ADAMTS3: variants seen among roughly 807,000 people sequenced by gnomAD.
The protein encoded by ADAMTS3 is A disintegrin and metalloproteinase with thrombospondin motifs 3.
In ADAMTS3, 73 loss-of-function variants were observed where a neutral mutation model predicts 129.0. That is an observed-to-expected ratio of 0.57 (90% CI 0.47 to 0.69). ADAMTS3 has a LOEUF of 0.69. Ranked by LOEUF, ADAMTS3 falls within the 30% of genes least tolerant of loss-of-function variation. The pLI, the probability that ADAMTS3 is intolerant of heterozygous loss-of-function variation, is 0.00. For synonymous variants in ADAMTS3, 477 were observed against 510.8 expected (o/e 0.93, Z 0.89); for missense variants, 1,457 against 1,514.5 (o/e 0.96, Z 0.63).
chr4:72,428,288 AT>A (rs1722618233), intron 3 of ADAMTS3, among the ~76,000 whole-genome samples: 1 of 152,078 alleles, frequency 6.6e-6, no homozygotes, highest in African/African-American at 2.4e-5. Context: ...AATTTTATTC[AT>A]TAAAAAAACT....
intron 3 of ADAMTS3, among the ~76,000 whole-genome samples, chr4:72,516,181 G>A (rs1407580357): frequency 6.6e-6 from 1 of 152,108 alleles, no homozygotes; most frequent in Non-Finnish European, 1.5e-5. Context: ...GCTCTGTTCT[G>A]TTCCATTGTT....
chr4:72,447,092 C>G (rs572920360), intron 3 of ADAMTS3, among the ~76,000 whole-genome samples: 62 of 151,730 alleles, frequency 4.1e-4, no homozygotes, highest in South Asian at 2.7e-3. Context: ...ATATTCAATC[C>G]CAGTTCCACT....
rs778561305 is a variant in ADAMTS3 at position 72,312,295 on chromosome 4, A to G, written c.1917T>C (p.Pro639=). 3.1e-6 allele frequency: 5 copies of G among 1,613,524 alleles called. No individual in the cohort carries two copies. In the South Asian group the frequency reaches 5.5e-5, roughly 18 times the overall value. The part of the protein sequence containing the change: ...TKHHWLPYEH[P]DPKKRCHLYC... ...GGAGAGCACGAGGCTACTCACGGTCAGGATGTTCATATGGCAACCAGTGGT... is the reference window on the plus strand; with the variant it reads ...GGAGAGCACGAGGCTACTCACGGTCGGGATGTTCATATGGCAACCAGTGGT... Residue 639 remains proline, a synonymous_variant, in exon 13 of 22, where the codon CCT becomes CCC. Transcript: ENST00000286657.
intron 4 of ADAMTS3, among the ~76,000 whole-genome samples, chr4:72,409,140 T>C (rs1437382120): frequency 6.6e-6 from 1 of 152,156 alleles, no homozygotes; most frequent in South Asian, 2.1e-4. Flanking sequence ...AGTCAAAATG[T>C]ACTCAAAATT....
At chr4:72,407,273 A>G (rs1408443871) in intron 4 of ADAMTS3, among the ~76,000 whole-genome samples, 1 of 152,090 alleles carries the variant, frequency 6.6e-6, no homozygotes, top group Non-Finnish European at 1.5e-5. Context: ...ATGAAATTAA[A>G]AAAAATGGTT....
chr4:72,360,561 G>A (rs904152977), intron 4 of ADAMTS3, among the ~76,000 whole-genome samples: 6 of 151,444 alleles, frequency 4.0e-5, no homozygotes, highest in African/African-American at 4.9e-5. Flanking sequence ...ACAATTTTAC[G>A]TAAATGAACA....
chr4:72,492,262 C>A (rs1012718021), intron 3 of ADAMTS3, among the ~76,000 whole-genome samples: 1 of 150,580 alleles, frequency 6.6e-6, no homozygotes, highest in Non-Finnish European at 1.5e-5. Flanking sequence ...TGATTTATTT[C>A]TTTTCTAATT....
At chr4:72,473,538 A>G (rs75023186) in intron 3 of ADAMTS3, among the ~76,000 whole-genome samples, 5,687 of 151,514 alleles carry the variant, frequency 0.038, 125 homozygotes, top group Non-Finnish European at 0.048. Context: ...GTTTTACACA[A>G]GCCAAACACC....
At chr4:72,488,179 T>C (rs1719639073) in intron 3 of ADAMTS3, among the ~76,000 whole-genome samples, 1 of 151,976 alleles carries the variant, frequency 6.6e-6, no homozygotes, top group South Asian at 2.1e-4. Context: ...CTATGCTTTG[T>C]GGTCTTGATT....
At position 72,319,883 on chromosome 4, in the gene ADAMTS3, C is replaced by T. The variant is rs61741624; in HGVS notation, c.1183G>A (p.Val395Ile). 3.2e-4 allele frequency: 511 copies of T among 1,613,782 alleles called. 2 individuals are homozygous for T. The highest frequency in any genetic ancestry group is 5.3e-5 in the Non-Finnish European group (63 of 1,179,916). The change falls in exon 8 of 22, where the codon GTA becomes ATA. Residue 395 changes from valine (V) to isoleucine (I), a missense_variant. Coordinates refer to ENST00000286657, the MANE Select transcript of ADAMTS3 (RefSeq NM_014243.3). ...NHEDGFSSAF[V>I]VAHETGHVLG... is the part of the protein sequence containing the mutation. The stretch of plus-strand genomic sequence containing the variant: ...ACATGGCCCGTTTCATGGGCTACTA[C>T]AAAAGCAGATGAAAAACCATCCTCA...
intron 3 of ADAMTS3, among the ~76,000 whole-genome samples, chr4:72,500,425 G>A (rs2110023309): frequency 6.6e-6 from 1 of 152,244 alleles, no homozygotes; most frequent in South Asian, 2.1e-4. Context: ...TTTTGGAGAA[G>A]TGTCTGTTCA....
rs1721856224 is a variant in ADAMTS3, at chr4:72,400,047, GGTGT to G, written c.661+14764_661+14767del. On this transcript the variant is annotated intron_variant, in intron 4 of 21. Coordinates refer to ENST00000286657, the MANE Select transcript of ADAMTS3 (RefSeq NM_014243.3). ...TATACGTGTGTATATATGCACACAC[GGTGT>G]GTATATACGTGTGTATATATGCACA... Among the ~76,000 whole-genome samples the G allele has an allele frequency of 1.8e-3, 23 of 12,434 alleles. 1 individual carries two copies. The highest frequency in any genetic ancestry group is 7.7e-3 in the Admixed American group (8 of 1,042). The allele number at this position is 12,434 out of a possible 152,430, so 8.2% of individuals were successfully genotyped here.
intron 4 of ADAMTS3, among the ~76,000 whole-genome samples, chr4:72,397,433 C>T (rs1022297613): frequency 1.3e-5 from 2 of 151,756 alleles, no homozygotes; most frequent in East Asian, 1.9e-4. Context: ...GGTGCCGTGG[C>T]GGGTGCTTGT....
chr4:72,304,991 T>G (rs925942356), intron 16 of ADAMTS3, among the ~76,000 whole-genome samples: 3 of 152,048 alleles, frequency 2.0e-5, no homozygotes, highest in Non-Finnish European at 4.4e-5. Context: ...GAATATAAAT[T>G]AAATGTGTTT....
intron 3 of ADAMTS3, among the ~76,000 whole-genome samples, chr4:72,480,716 TA>T (rs1370535418): frequency 3.1e-5 from 4 of 128,410 alleles, no homozygotes; most frequent in Admixed American, 1.5e-4. Context: ...AAATAAAAAA[TA>T]AAAAAAGAGA....
intron 4 of ADAMTS3, among the ~76,000 whole-genome samples, chr4:72,345,069 G>T (rs564814509): frequency 5.3e-5 from 8 of 152,050 alleles, no homozygotes; most frequent in Non-Finnish European, 1.0e-4. Flanking sequence ...AATAAGTGAA[G>T]AATAAAATAC....
At chr4:72,540,777 G>T (rs1419899944) in intron 3 of ADAMTS3, among the ~76,000 whole-genome samples, 1 of 152,234 alleles carries the variant, frequency 6.6e-6, no homozygotes, top group Non-Finnish European at 1.5e-5. Context: ...TCCACTTGGT[G>T]TTGAGACTGC....
chr4:72,456,918 G>A (rs1202081529), intron 3 of ADAMTS3, among the ~76,000 whole-genome samples: 1 of 151,658 alleles, frequency 6.6e-6, no homozygotes, highest in East Asian at 1.9e-4. Flanking sequence ...TGAGAAACTT[G>A]TTAAAGTGAA....
intron 3 of ADAMTS3, among the ~76,000 whole-genome samples, chr4:72,547,429 A>G (rs540918779): frequency 1.8e-4 from 27 of 152,320 alleles, no homozygotes; most frequent in African/African-American, 6.5e-4. Context: ...ATCATATTCC[A>G]GGCCATAGCT....
Sources: allele counts gnomAD v4.1 joint callset (sites outside exome capture counted in the v4.1 genomes callset), GRCh38; gene constraint gnomAD v4.1.1; transcripts MANE v1.5; gene names NCBI Gene and HGNC (gene_info 2026-07-23, HGNC 2026-07-21).